The following MTOR variants were observed in gnomAD, a reference collection of about 807,000 sequenced individuals.
The protein encoded by MTOR is serine/threonine-protein kinase mTOR.
A neutral mutation model predicts 319.8 loss-of-function variants in MTOR; 70 were observed. That is an observed-to-expected ratio of 0.22 (90% CI 0.18 to 0.27). The LOEUF is 0.27. Ranked by LOEUF, MTOR falls within the 10% of genes least tolerant of loss-of-function variation. The pLI is 1.00. For synonymous variants in MTOR, 1,183 were observed against 1,211.4 expected, an observed-to-expected ratio of 0.98 and a Z score of 0.49; for missense variants, 1,890 against 3,274.4, an observed-to-expected ratio of 0.58 and a Z score of 10.32.
At chr1:11,111,937 C>G (rs557272010) in intron 54 of MTOR, among the ~76,000 whole-genome samples, 1 of 143,866 alleles carries the variant, frequency 7.0e-6, no homozygotes, top group Non-Finnish European at 1.5e-5. Context: ...GAGGGCTAAA[C>G]AAAGTTAAAC....
intron 31 of MTOR, among the ~76,000 whole-genome samples, chr1:11,148,207 C>G (rs1293551463): frequency 2.6e-5 from 4 of 152,154 alleles, no homozygotes; most frequent in African/African-American, 9.6e-5. Flanking sequence ...GAGGCACAGG[C>G]TGAGCATGCA....
chr1:11,216,288 A>G, intron 19 of MTOR, 54 bp from the exon 20 acceptor site: 1 of 1,373,836 alleles, frequency 7.3e-7, no homozygotes. Context: ...TTGAACCCCC[A>G]GGCTTACCTT....
rs372287070 is a variant in MTOR at position 11,152,867 on chromosome 1, G to A, written c.4470-2641C>T. On this transcript the variant is annotated intron_variant, in intron 30 of 57. Coordinates refer to ENST00000361445, the MANE Select transcript of MTOR (RefSeq NM_004958.4). ...TCAGGAAAAATATTCTGCTTCTTTCGACTCGTTTTAAAACCTCTTTTAGTC... is the reference window on the plus strand; with the variant it reads ...TCAGGAAAAATATTCTGCTTCTTTCAACTCGTTTTAAAACCTCTTTTAGTC... Among the ~76,000 whole-genome samples the A allele has an allele frequency of 5.3e-5, 8 of 152,212 alleles. No homozygotes were observed. In the South Asian group the frequency reaches 6.2e-4, roughly 12 times the overall value.
chr1:11,179,318 G>T (rs1251958053), intron 28 of MTOR, among the ~76,000 whole-genome samples: 1 of 152,168 alleles, frequency 6.6e-6, no homozygotes, highest in Admixed American at 6.5e-5. Flanking sequence ...GGGACACAGT[G>T]TAACTGCTAG....
At position 11,259,386 on chromosome 1, in the gene MTOR, G is replaced by A. The variant is rs779391809; in HGVS notation, c.24C>T (p.Ala8=). Residue 8 remains alanine (A), a synonymous_variant, in exon 2 of 58, where the codon GCC becomes GCT. Transcript: ENST00000361445. MLGTGPA[A]ATTAATTSSN... The stretch of plus-strand genomic sequence containing the variant: ...TAGATGTGGTGGCAGCGGTGGTGGC[G>A]GCGGCAGGTCCGGTTCCAAGCATCT... The A allele has an allele frequency of 1.6e-5, 25 of 1,590,210 alleles. No homozygotes were observed. Among genetic ancestry groups the A allele is most frequent in the Admixed American group, 3.7e-5 (2 of 54,712 alleles).
At chr1:11,149,206 T>C (rs1402096319) in intron 31 of MTOR, 1 of 152,232 alleles carries the variant, frequency 6.6e-6, no homozygotes, top group East Asian at 1.9e-4. Flanking sequence ...AGAGATTGGT[T>C]CTTTGAGTAG....
intron 28 of MTOR, chr1:11,190,082 G>C (rs1013191874): frequency 1.5e-5 from 17 of 1,124,076 alleles, no homozygotes; most frequent in Admixed American, 2.6e-5. Flanking sequence ...TTTAGTAAAG[G>C]CTTATGCAGT....
chr1:11,245,329 A>T (rs1330140934), intron 8 of MTOR, among the ~76,000 whole-genome samples: 1 of 152,202 alleles, frequency 6.6e-6, no homozygotes, highest in African/African-American at 2.4e-5. Flanking sequence ...ATAAAATAGG[A>T]GAGAAGGGAA....
In MTOR at chr1:11,144,713, T is replaced by C; in HGVS notation, c.4807A>G (p.Ile1603Val). The C allele has an allele frequency of 1.2e-6, 2 of 1,614,046 alleles. No individual in the cohort carries two copies. Among genetic ancestry groups the C allele is most frequent in the Non-Finnish European group, 1.7e-6 (2 of 1,180,028 alleles). The change falls in exon 34 of 58, where the codon ATC becomes GTC. Residue 1603 changes from isoleucine to valine, a missense_variant. Coordinates refer to ENST00000361445, the MANE Select transcript of MTOR (RefSeq NM_004958.4). ...CGCTCGGGGACAAGTTTGTACTGGA[T>C]AACCTCCTCCAGCTCGGACAGCATG... ...CHMLSELEEV[I>V]QYKLVPERRE... is the part of the protein sequence containing the mutation.
intron 28 of MTOR, chr1:11,194,832 C>A: frequency 6.2e-7 from 1 of 1,613,194 alleles, no homozygotes; most frequent in Non-Finnish European, 8.5e-7. Context: ...CTTACTAGCA[C>A]TGGGTCTGTT....
intron 28 of MTOR, among the ~76,000 whole-genome samples, chr1:11,176,379 C>T (rs554850414): frequency 9.8e-5 from 15 of 152,330 alleles, no homozygotes; most frequent in South Asian, 2.1e-4. Flanking sequence ...CGGCGCCTGT[C>T]GGAAAGTCCT....
chr1:11,218,195 G>T (rs1055999976), intron 19 of MTOR, among the ~76,000 whole-genome samples: 2 of 152,166 alleles, frequency 1.3e-5, no homozygotes, highest in African/African-American at 2.4e-5. Flanking sequence ...ACTTTGGGAG[G>T]CTGAGGCGGG....
chr1:11,119,058 A>G (rs1008292678), intron 49 of MTOR, among the ~76,000 whole-genome samples: 25 of 152,150 alleles, frequency 1.6e-4, no homozygotes, highest in African/African-American at 6.0e-4. Context: ...CTTAAATGTA[A>G]AAAAAACCCT....
At chr1:11,154,311 C>T (rs1418212564) in intron 30 of MTOR, among the ~76,000 whole-genome samples, 1 of 151,710 alleles carries the variant, frequency 6.6e-6, no homozygotes, top group Non-Finnish European at 1.5e-5. Flanking sequence ...AGGCTAGTGT[C>T]AAACTTCTGG....
intron 12 of MTOR, 110 bp downstream of exon 12, chr1:11,238,292 C>T: frequency 8.4e-7 from 1 of 1,195,486 alleles, no homozygotes; most frequent in Non-Finnish European, 1.2e-6. Flanking sequence ...AGCTGAATAT[C>T]AGCTTTTTGA....
chr1:11,213,294 G>A, intron 21 of MTOR, 105 bp downstream of exon 21: 2 of 1,190,586 alleles, frequency 1.7e-6, no homozygotes, highest in South Asian at 1.5e-5. Context: ...CTTATGGAAT[G>A]GGCATCAACC....
chr1:11,108,123 C>T (rs1190444144), intron 57 of MTOR, 58 bp downstream of exon 57: 34 of 1,393,536 alleles, frequency 2.4e-5, no homozygotes, highest in Non-Finnish European at 3.3e-5. Context: ...GGCTTTGGGG[C>T]CTAGGCTTGG....
At chr1:11,192,805 C>G (rs1645597943) in intron 28 of MTOR, among the ~76,000 whole-genome samples, 1 of 149,872 alleles carries the variant, frequency 6.7e-6, no homozygotes, top group Non-Finnish European at 1.5e-5. Context: ...CCAAACACCA[C>G]AGAGCTATGC....
chr1:11,197,439 C>T (rs1219503317), intron 28 of MTOR, among the ~76,000 whole-genome samples: 2 of 152,140 alleles, frequency 1.3e-5, no homozygotes, highest in East Asian at 3.9e-4. Context: ...CACAGGAGAC[C>T]AGCAGAAGGG....
Sources: allele counts gnomAD v4.1 joint callset (sites outside exome capture counted in the v4.1 genomes callset), GRCh38; gene constraint gnomAD v4.1.1; transcripts MANE v1.5; gene names NCBI Gene and HGNC (gene_info 2026-07-23, HGNC 2026-07-21).